Variants in NAV2 observed in about 807,000 individuals in gnomAD.
NAV2 encodes the protein neuron navigator 2.
Under a neutral mutation model 223.2 loss-of-function variants are expected in NAV2, and 54 were observed. That is an observed-to-expected ratio of 0.24 (90% CI 0.19 to 0.30). NAV2 has a LOEUF of 0.30. Ranked by LOEUF, NAV2 falls within the 10% of genes least tolerant of loss-of-function variation. The pLI, the probability that NAV2 is intolerant of heterozygous loss-of-function variation, is 1.00. For missense variants in NAV2, 2,806 were observed against 3,147.5 expected (o/e 0.89, Z 2.60); for synonymous variants, 1,279 against 1,239.3 (o/e 1.03, Z -0.67).
intron 1 of NAV2, among the ~76,000 whole-genome samples, chr11:19,652,669 C>T (rs2048003649): frequency 6.6e-6 from 1 of 152,212 alleles, no homozygotes; most frequent in Non-Finnish European, 1.5e-5. Context: ...TCCTCCATGG[C>T]TGCCCTGAGT....
rs114298236 is a variant in NAV2 at position 19,741,871 on chromosome 11, G to A, written c.267+27909G>A. ...TTCATTCCCTTTGGGTATATACCCA[G>A]AAGGGGGATTGCTGGGTCATACGGC... is the stretch of plus-strand genomic sequence containing the variant. On this transcript the variant is annotated intron_variant, in intron 1 of 37. Transcript: ENST00000349880. Among the ~76,000 whole-genome samples the A allele has an allele frequency of 4.2e-3, 635 of 152,156 alleles. 4 individuals are homozygous for A. Among genetic ancestry groups the A allele is most frequent in the African/African-American group, 0.014 (600 of 41,504 alleles).
At chr11:20,021,395 T>C (rs1006792506) in intron 11 of NAV2, among the ~76,000 whole-genome samples, 7 of 152,244 alleles carry the variant, frequency 4.6e-5, no homozygotes, top group Non-Finnish European at 5.9e-5. Context: ...TTACCTATTA[T>C]GTTTGCCTAG....
chr11:20,057,017 C>T (rs1043889323), intron 19 of NAV2, among the ~76,000 whole-genome samples: 2 of 152,132 alleles, frequency 1.3e-5, no homozygotes, highest in Non-Finnish European at 2.9e-5. Flanking sequence ...CTCAAAGTCC[C>T]CAGCCAGAGA....
At chr11:19,763,794 T>C (rs761404030) in intron 1 of NAV2, among the ~76,000 whole-genome samples, 3 of 90,254 alleles carry the variant, frequency 3.3e-5, no homozygotes, top group Non-Finnish European at 6.7e-5. Flanking sequence ...TTTTTTTGTT[T>C]TTTTTGTTTT....
intron 1 of NAV2, among the ~76,000 whole-genome samples, chr11:19,758,113 G>C (rs1216294390): frequency 6.6e-6 from 1 of 152,132 alleles, no homozygotes; most frequent in Non-Finnish European, 1.5e-5. Flanking sequence ...TCATAGATGA[G>C]GAATGTTGAG....
At chr11:19,815,799 A>G (rs1241451789) in intron 1 of NAV2, among the ~76,000 whole-genome samples, 1 of 152,208 alleles carries the variant, frequency 6.6e-6, no homozygotes, top group Non-Finnish European at 1.5e-5. Context: ...CATGTTTCCC[A>G]GGATTGTGGT....
intron 6 of NAV2, among the ~76,000 whole-genome samples, chr11:19,898,571 C>T (rs1419431528): frequency 6.6e-6 from 1 of 152,120 alleles, no homozygotes; most frequent in African/African-American, 2.4e-5. Flanking sequence ...ATGGATTTAC[C>T]ACAATATCGT....
chr11:19,729,164 CT>C (rs1352460376), intron 1 of NAV2, among the ~76,000 whole-genome samples: 1 of 151,970 alleles, frequency 6.6e-6, no homozygotes, highest in African/African-American at 2.4e-5. Flanking sequence ...AAAGACTGGT[CT>C]AGATTAGAAG....
intron 1 of NAV2, among the ~76,000 whole-genome samples, chr11:19,641,015 C>G (rs1427732225): frequency 6.6e-6 from 1 of 152,092 alleles, no homozygotes; most frequent in Non-Finnish European, 1.5e-5. Context: ...CAACCAGGAT[C>G]AGAGCATCAG....
chr11:19,869,010 G>T lies in NAV2; in HGVS notation c.511+13G>T. On this transcript the variant is annotated intron_variant, in intron 4 of 37. Coordinates refer to ENST00000349880, the MANE Select transcript of NAV2 (RefSeq NM_145117.5). ...CTGTCTGCAGAAGGTGAGTCAGAGC[G>T]CTTGTCACGAAGCTGCCTCTTCATC... 6.2e-7 allele frequency: 1 copy of T among 1,613,084 alleles called. No individual in the cohort carries two copies. Among genetic ancestry groups the T allele is most frequent in the Non-Finnish European group, 8.5e-7 (1 of 1,179,394 alleles).
intron 1 of NAV2, among the ~76,000 whole-genome samples, chr11:19,516,975 T>A (rs998870411): frequency 1.7e-4 from 26 of 151,510 alleles, no homozygotes; most frequent in African/African-American, 6.1e-4. Context: ...TTTGGGAGGC[T>A]GAGGTGGGAG....
intron 1 of NAV2, among the ~76,000 whole-genome samples, chr11:19,463,153 A>T (rs1231792691): frequency 1.3e-5 from 2 of 152,234 alleles, no homozygotes; most frequent in Non-Finnish European, 2.9e-5. Flanking sequence ...CTATAACTTC[A>T]TAGAAATATT....
chr11:19,647,320 C>G (rs906311361), intron 1 of NAV2, among the ~76,000 whole-genome samples: 1 of 152,136 alleles, frequency 6.6e-6, no homozygotes, highest in Non-Finnish European at 1.5e-5. Context: ...GAGTAGTCCT[C>G]AGATCATACC....
chr11:19,642,200 T>C (rs1046214340), intron 1 of NAV2, among the ~76,000 whole-genome samples: 1 of 152,196 alleles, frequency 6.6e-6, no homozygotes, highest in Non-Finnish European at 1.5e-5. Context: ...CTTCCCCATC[T>C]GCACATACTC....
intron 26 of NAV2, among the ~76,000 whole-genome samples, chr11:20,089,529 A>G (rs2060680135): frequency 6.6e-6 from 1 of 152,108 alleles, no homozygotes; most frequent in Admixed American, 6.5e-5. Flanking sequence ...GACTCATGTG[A>G]TCATTTATTT....
chr11:19,847,042 GTT>G (rs1414996381), intron 3 of NAV2, among the ~76,000 whole-genome samples: 3 of 152,154 alleles, frequency 2.0e-5, no homozygotes, highest in African/African-American at 4.8e-5. Context: ...TGGTTAAAAT[GTT>G]TTGTCTATTT....
intron 10 of NAV2, among the ~76,000 whole-genome samples, chr11:19,963,461 A>G (rs528760005): frequency 2.6e-5 from 4 of 152,330 alleles, no homozygotes; most frequent in African/African-American, 9.6e-5. Context: ...AAGACCAAAA[A>G]GGAAGAGTGT....
At chr11:20,067,644 A>ATTTTTTTT (rs11371990) in intron 20 of NAV2, among the ~76,000 whole-genome samples, 2 of 129,252 alleles carry the variant, frequency 1.5e-5, no homozygotes, top group African/African-American at 3.0e-5. Context: ...CACCCGGCTA[A>ATTTTTTTT]TTTTTTTTTT....
intron 1 of NAV2, among the ~76,000 whole-genome samples, chr11:19,641,342 C>T (rs887694016): frequency 5.3e-5 from 8 of 152,080 alleles, no homozygotes; most frequent in African/African-American, 1.9e-4. Flanking sequence ...AGTCTTCAAC[C>T]TATCCATATC....
Sources: allele counts gnomAD v4.1 joint callset (sites outside exome capture counted in the v4.1 genomes callset), GRCh38; gene constraint gnomAD v4.1.1; transcripts MANE v1.5; gene names NCBI Gene and HGNC (gene_info 2026-07-23, HGNC 2026-07-21).